Variants in RHBG observed in about 807,000 individuals in gnomAD.
RHBG encodes the protein ammonium transporter Rh type B.
In RHBG, 39 loss-of-function variants were observed where a neutral mutation model predicts 40.1. The observed-to-expected ratio is 0.97, with a 90% CI of 0.75 to 1.27. The LOEUF (loss-of-function observed/expected upper bound fraction) is 1.27, where lower values mean the gene tolerates loss of function less well. RHBG is among the 50% of genes most tolerant of loss of function. RHBG has a pLI of 0.00. For synonymous variants in RHBG, 237 were observed against 252.5 expected, an observed-to-expected ratio of 0.94 and a Z score of 0.58; for missense variants, 549 against 588.1, an observed-to-expected ratio of 0.93 and a Z score of 0.69.
chr1:156,370,249 C>G (rs1666747805), intron 1 of RHBG, among the ~76,000 whole-genome samples: 1 of 152,016 alleles, frequency 6.6e-6, no homozygotes, highest in South Asian at 2.1e-4. Flanking sequence ...GAGTTTGAGA[C>G]CAGCCTAGCC....
Position 156,382,755 on chromosome 1 carries a change from AGT to A in RHBG, c.1125_1126del (p.Phe376SerfsTer66), listed in dbSNP as rs748221604. ...THEAYGDGLE[S>X]VFPLIAEGQR... ...TATCTGGTCTCCCTGCAGCCTGGAG[AGT>A]GTGTTTCCACTCATAGCCGAGGGCC... is the stretch of plus-strand genomic sequence containing the variant. On this transcript the variant is annotated frameshift_variant, in exon 8 of 10. Transcript: ENST00000537040. LOFTEE classifies it high-confidence loss of function. 30 of 1,613,784 alleles carry A rather than the reference AGT, an allele frequency of 1.9e-5. No homozygotes were observed. In the African/African-American group the frequency reaches 3.6e-4, roughly 19 times the overall value.
chr1:156,382,020 G>C (rs767162345), intron 6 of RHBG, 48 bp from the exon 7 acceptor site: 2 of 1,609,432 alleles, frequency 1.2e-6, no homozygotes, highest in East Asian at 4.5e-5. Context: ...ACAGGATGAG[G>C]TGGTGGGGAG....
chr1:156,376,733 CA>C (rs1339144959), intron 1 of RHBG, among the ~76,000 whole-genome samples: 1 of 152,086 alleles, frequency 6.6e-6, no homozygotes, highest in Admixed American at 6.5e-5. Flanking sequence ...CTTAGGAGGC[CA>C]AAGTGGGAGG....
At chr1:156,382,956 C>T (rs2101806736) in intron 8 of RHBG, 87 bp downstream of exon 8, 1 of 1,572,278 alleles carries the variant, frequency 6.4e-7, no homozygotes, top group East Asian at 2.2e-5. Flanking sequence ...ATTTATGGAG[C>T]ATCTACTTTG....
At chr1:156,381,225 C>T (rs919284657) in intron 4 of RHBG, 122 bp from the exon 5 acceptor site, 100 of 1,023,322 alleles carry the variant, frequency 9.8e-5, no homozygotes, top group Non-Finnish European at 1.4e-4. Flanking sequence ...TTATCAATCC[C>T]ACTGAACATA....
chr1:156,379,288 G>A (rs1417332996), intron 4 of RHBG, among the ~76,000 whole-genome samples: 2 of 151,988 alleles, frequency 1.3e-5, no homozygotes, highest in East Asian at 1.9e-4. Context: ...GAGCCACTAC[G>A]CCCGGCTACC....
At chr1:156,379,200 TG>T (rs1425794748) in intron 4 of RHBG, among the ~76,000 whole-genome samples, 1 of 151,990 alleles carries the variant, frequency 6.6e-6, no homozygotes, top group Non-Finnish European at 1.5e-5. Flanking sequence ...TTCACCATGT[TG>T]GCCAGGCTGG....
Position 156,384,357 on chromosome 1 carries a change from A to G in RHBG, c.1235-170A>G, listed in dbSNP as rs1205324244. The G allele has an allele frequency of 8.4e-6, 6 of 716,734 alleles. 1 individual carries two copies. The highest frequency in any genetic ancestry group is 6.1e-5 in the South Asian group (4 of 66,064). The allele number at this position is 716,734 out of a possible 1,614,324, so 44.4% of individuals were successfully genotyped here. ...AAGCAAGACTAGTCAAGCACTTTGC[A>G]CAGGGCCTGGCACATAGTAGATGCT... On this transcript the variant is annotated intron_variant, in intron 8 of 9. Transcript: ENST00000537040.
chr1:156,382,233 T>C (rs533307448), intron 7 of RHBG, 32 bp downstream of exon 7: 28 of 1,613,952 alleles, frequency 1.7e-5, no homozygotes, highest in African/African-American at 1.1e-4. Context: ...ACTGCAGTCG[T>C]CATCCATCTG....
intron 4 of RHBG, among the ~76,000 whole-genome samples, chr1:156,381,002 C>A (rs1477857591): frequency 6.6e-6 from 1 of 152,046 alleles, no homozygotes; most frequent in South Asian, 2.1e-4. Flanking sequence ...CAGTCTCAAG[C>A]GATCCTCCTG....
In RHBG at chr1:156,382,778, G is replaced by A; in HGVS notation, c.1143G>A (p.Glu381=). Reference sequence around the variant, plus strand: ...AGAGTGTGTTTCCACTCATAGCCGAGGGCCAGCGCAGTGCCACGTCACAGG... The same window carrying A: ...AGAGTGTGTTTCCACTCATAGCCGAAGGCCAGCGCAGTGCCACGTCACAGG... The part of the protein sequence containing the change: ...GLESVFPLIA[E]GQRSATSQAM... The change falls in exon 8 of 10, where the codon GAG becomes GAA. Residue 381 remains glutamate (E), a synonymous_variant. Transcript: ENST00000537040. The A allele has an allele frequency of 1.2e-6, 2 of 1,614,218 alleles. No individual in the cohort carries two copies. The highest frequency in any genetic ancestry group is 1.7e-6 in the Non-Finnish European group (2 of 1,180,040).
intron 4 of RHBG, among the ~76,000 whole-genome samples, chr1:156,381,139 T>A (rs959675505): frequency 6.6e-6 from 1 of 152,172 alleles, no homozygotes; most frequent in African/African-American, 2.4e-5. Flanking sequence ...TGAGCTCAAG[T>A]GATCTGCCTG....
rs1006834801 is a variant in RHBG at position 156,382,167 on chromosome 1, G to T, written c.1078G>T (p.Ala360Ser). ...VLGALLGVLV[A>S]GLATHEAYGD... ...GGGGGCCCTCCTGGGGGTCCTTGTG[G>T]CTGGACTTGCCACCCATGAAGCTTA... The change falls in exon 7 of 10, where the codon GCT (alanine) becomes TCT (serine). Residue 360 changes from alanine (A) to serine (S), a missense_variant. By Grantham distance (99) the Ala-to-Ser change is moderately conservative (BLOSUM62 1). Coordinates refer to ENST00000537040, the MANE Select transcript of RHBG (RefSeq NM_020407.5). 6.2e-7 allele frequency: 1 copy of T among 1,614,132 alleles called. No individual in the cohort carries two copies. The highest frequency in any genetic ancestry group is 1.7e-5 in the Admixed American group (1 of 60,008).
chr1:156,381,607 G>A (rs1409194212), intron 5 of RHBG, 94 bp downstream of exon 5: 1 of 1,473,902 alleles, frequency 6.8e-7, no homozygotes, highest in Non-Finnish European at 9.1e-7. Flanking sequence ...CCGGGGAACA[G>A]ATAAGGGCAC....
At chr1:156,382,268 A>C (rs779640731) in intron 7 of RHBG, 67 bp downstream of exon 7, 1 of 1,592,904 alleles carries the variant, frequency 6.3e-7, no homozygotes, top group South Asian at 1.1e-5. Context: ...ATTCTCTTTC[A>C]CTGTGTGTGA....
chr1:156,382,123 AT>A lies in RHBG; in HGVS notation c.1035del (p.His345GlnfsTer35). 6.2e-7 allele frequency: 1 copy of A among 1,614,000 alleles called. No individual in the cohort carries two copies. The highest frequency in any genetic ancestry group is 1.1e-5 in the South Asian group (1 of 91,064). On this transcript the variant is annotated frameshift_variant, in exon 7 of 10. Transcript: ENST00000537040. LOFTEE classifies it high-confidence loss of function. The stretch of plus-strand genomic sequence containing the variant: ...GACACATGTGGAGTCCACAACCTCC[AT>A]GGGATGCCGGGGGTCCTGGGGGCCC... ...VQDTCGVHNL[H>X]GMPGVLGALL...
rs772070131 is a variant in RHBG, at chr1:156,369,242, C to T, written c.-8C>T. The T allele has an allele frequency of 6.2e-7, 1 of 1,611,364 alleles. No homozygotes were observed. Among genetic ancestry groups the T allele is most frequent in the Non-Finnish European group, 8.5e-7 (1 of 1,179,148 alleles). On this transcript the variant is annotated 5_prime_UTR_variant, in exon 1 of 10. Transcript: ENST00000537040. ...CTGCGAGCGCCAGCCGAGATCGCAG[C>T]CCAACCCATGGCCGGGTCTCCTAGC...
intron 9 of RHBG, 30 bp from the exon 10 acceptor site, chr1:156,384,747 C>T (rs767418454): frequency 1.2e-6 from 2 of 1,610,538 alleles, no homozygotes; most frequent in Admixed American, 1.7e-5. Context: ...TGGAGCTACC[C>T]TTTCACCTCT....
At chr1:156,376,677 T>TA (rs1456204580) in intron 1 of RHBG, among the ~76,000 whole-genome samples, 1 of 152,058 alleles carries the variant, frequency 6.6e-6, no homozygotes, top group East Asian at 1.9e-4. Context: ...TTAAAATTTT[T>TA]AAAAAAATAA....
Sources: gnomAD v4.1 joint callset for allele counts (sites outside exome capture counted in the v4.1 genomes callset) on GRCh38, gnomAD v4.1.1 for gene constraint, MANE v1.5 for transcripts, NCBI Gene and HGNC (gene_info 2026-07-23, HGNC 2026-07-21) for gene names.